The following RGS6 variants were observed in gnomAD, a reference collection of about 807,000 sequenced individuals.
The protein encoded by RGS6 is regulator of G-protein signaling 6.
A neutral mutation model predicts 78.5 loss-of-function variants in RGS6; 30 were observed. The observed-to-expected ratio is 0.38, with a 90% CI of 0.29 to 0.52. The LOEUF (loss-of-function observed/expected upper bound fraction) is 0.52. Ranked by LOEUF, RGS6 falls within the 20% of genes least tolerant of loss-of-function variation. The pLI, the probability that RGS6 is intolerant of heterozygous loss-of-function variation, is 0.85. For missense variants in RGS6, 495 were observed against 609.7 expected (o/e 0.81, Z 1.98); for synonymous variants, 206 against 206.0 (o/e 1.00, Z 0.00).
intron 11 of RGS6, 109 bp from the exon 12 acceptor site, chr14:72,478,159 C>T (rs2096284157): frequency 1.3e-6 from 1 of 744,052 alleles, no homozygotes; most frequent in South Asian, 1.6e-5. Flanking sequence ...GATGTCTGGC[C>T]AGAGGAGGTA....
chr14:72,199,806 G>A (rs1567449467), intron 2 of RGS6, among the ~76,000 whole-genome samples: 1 of 152,174 alleles, frequency 6.6e-6, no homozygotes, highest in South Asian at 2.1e-4. Context: ...ATAAGCCAGA[G>A]TTCAGCAAAC....
chr14:71,970,533 G>A (rs145495726), intron 2 of RGS6, among the ~76,000 whole-genome samples: 1 of 152,304 alleles, frequency 6.6e-6, no homozygotes, highest in Non-Finnish European at 1.5e-5. Context: ...GGAAGAATCC[G>A]ATGCTATGGA....
intron 2 of RGS6, among the ~76,000 whole-genome samples, chr14:72,017,435 A>G (rs532723365): frequency 2.0e-5 from 3 of 151,862 alleles, no homozygotes; most frequent in Non-Finnish European, 2.9e-5. Context: ...TCTTGTCTTG[A>G]TGTACTGACT....
chr14:72,558,186 A>G (rs1017693666), intron 17 of RGS6, among the ~76,000 whole-genome samples: 1 of 152,004 alleles, frequency 6.6e-6, no homozygotes, highest in Non-Finnish European at 1.5e-5. Flanking sequence ...TTCCCCCATA[A>G]TAGCCTGGAT....
chr14:72,324,915 CT>C (rs1226269486), intron 2 of RGS6, among the ~76,000 whole-genome samples: 1 of 152,176 alleles, frequency 6.6e-6, no homozygotes, highest in Non-Finnish European at 1.5e-5. Context: ...GTTCTAGATC[CT>C]TGAGGAATTA....
intron 7 of RGS6, among the ~76,000 whole-genome samples, chr14:72,466,779 G>A (rs886372056): frequency 6.6e-6 from 1 of 152,212 alleles, no homozygotes; most frequent in African/African-American, 2.4e-5. Flanking sequence ...CGTGGTGGTG[G>A]TTGTATGAAT....
At chr14:72,230,173 A>G (rs2049194513) in intron 2 of RGS6, among the ~76,000 whole-genome samples, 1 of 152,218 alleles carries the variant, frequency 6.6e-6, no homozygotes, top group African/African-American at 2.4e-5. Flanking sequence ...AGAACAGCTA[A>G]TGTCCATTTT....
intron 2 of RGS6, among the ~76,000 whole-genome samples, chr14:72,277,994 A>G (rs1427732477): frequency 1.3e-5 from 2 of 152,278 alleles, no homozygotes; most frequent in Admixed American, 6.5e-5. Flanking sequence ...TATCCTAGCT[A>G]TGTGGCCCAA....
rs71109735 is a variant in RGS6, at chr14:72,437,167, CAAAAAAA to C, written c.185-17343_185-17337del. 1.3e-3 allele frequency among the ~76,000 whole-genome samples: 99 copies of C among 75,018 alleles called. 1 individual carries two copies. The highest frequency in any genetic ancestry group is 3.9e-3 in the Admixed American group (24 of 6,148). 49.2% of individuals were successfully genotyped at this position (75,018 alleles called of 152,430 possible). ...TGAAACCCCGTCTTTACTAAAAATA[CAAAAAAA>C]AAAAAAAAAAAAAAAAATTAGCCAG... On this transcript the variant is annotated intron_variant, in intron 3 of 17. Coordinates refer to ENST00000553525, the MANE Select transcript of RGS6 (RefSeq NM_001204424.2).
chr14:71,929,152 A>G (rs1477190437), upstream of RGS6, among the ~76,000 whole-genome samples: 1 of 152,238 alleles, frequency 6.6e-6, no homozygotes, highest in African/African-American at 2.4e-5. Context: ...TACCTTGAGT[A>G]CAACATCAGG....
At chr14:71,983,879 A>G (rs2094568148) in intron 2 of RGS6, among the ~76,000 whole-genome samples, 1 of 152,220 alleles carries the variant, frequency 6.6e-6, no homozygotes, top group Admixed American at 6.5e-5. Context: ...CTAGTTTATC[A>G]CCGCGTGAAG....
chr14:72,016,090 T>C (rs1436296668), intron 2 of RGS6, among the ~76,000 whole-genome samples: 1 of 152,230 alleles, frequency 6.6e-6, no homozygotes, highest in African/African-American at 2.4e-5. Context: ...CTTTGTGGCT[T>C]GTACTTTTTT....
At chr14:72,044,645 C>T (rs978840968) in intron 2 of RGS6, among the ~76,000 whole-genome samples, 5 of 152,066 alleles carry the variant, frequency 3.3e-5, no homozygotes, top group East Asian at 1.9e-4. Flanking sequence ...CCGAGGCAGG[C>T]GGATCACTTG....
chr14:71,924,567 C>T, the RGS6 span, among the ~76,000 whole-genome samples: 1 of 152,174 alleles, frequency 6.6e-6, no homozygotes, highest in Non-Finnish European at 1.5e-5. Flanking sequence ...CCCACCTGCC[C>T]TTGGTAACCA....
intron 2 of RGS6, among the ~76,000 whole-genome samples, chr14:72,291,634 T>C (rs1228673946): frequency 6.6e-6 from 1 of 152,214 alleles, no homozygotes; most frequent in East Asian, 1.9e-4. Flanking sequence ...CCAGACTTTC[T>C]GATGGGCTAG....
At chr14:72,120,237 C>G (rs1045974257) in intron 2 of RGS6, among the ~76,000 whole-genome samples, 1 of 152,188 alleles carries the variant, frequency 6.6e-6, no homozygotes, top group Non-Finnish European at 1.5e-5. Context: ...AAAAGGAGCA[C>G]TAGAGATTAT....
At chr14:72,013,387 T>C (rs2086269419) in intron 2 of RGS6, among the ~76,000 whole-genome samples, 2 of 150,270 alleles carry the variant, frequency 1.3e-5, no homozygotes, top group South Asian at 4.2e-4. Context: ...AGTTCTTACA[T>C]CCAGGAACCA....
At chr14:72,617,583 C>T in the RGS6 span, among the ~76,000 whole-genome samples, 2 of 152,238 alleles carry the variant, frequency 1.3e-5, no homozygotes, top group Non-Finnish European at 2.9e-5. Flanking sequence ...CCACAGGCCC[C>T]TGCAGGAGAG....
chr14:71,981,733 C>T (rs1319393903), intron 2 of RGS6, among the ~76,000 whole-genome samples: 2 of 151,582 alleles, frequency 1.3e-5, no homozygotes, highest in South Asian at 4.2e-4. Flanking sequence ...TTACTGCTGT[C>T]TTTTTGTTTG....
Sources: gnomAD v4.1 joint callset for allele counts (sites outside exome capture counted in the v4.1 genomes callset) on GRCh38, gnomAD v4.1.1 for gene constraint, MANE v1.5 for transcripts, NCBI Gene and HGNC (gene_info 2026-07-23, HGNC 2026-07-21) for gene names.